Variants in SCARB2 observed in about 807,000 individuals in gnomAD.
SCARB2 encodes the protein lysosome membrane protein 2.
A neutral mutation model predicts 58.6 loss-of-function variants in SCARB2; 29 were observed. The ratio of observed to expected loss-of-function variants is 0.49; its 90% confidence interval spans 0.37 to 0.67. The LOEUF is 0.67. Among genes scored for constraint, SCARB2 ranks in the 30% least tolerant of loss-of-function variants. The pLI is 0.00. For missense variants in SCARB2, 488 were observed against 578.5 expected, an observed-to-expected ratio of 0.84 and a Z score of 1.60; for synonymous variants, 195 against 210.1, an observed-to-expected ratio of 0.93 and a Z score of 0.62.
intron 1 of SCARB2, among the ~76,000 whole-genome samples, chr4:76,209,343 G>A (rs545109038): frequency 7.9e-5 from 12 of 152,230 alleles, no homozygotes; most frequent in Admixed American, 5.2e-4. Flanking sequence ...GGTTATCAGT[G>A]ATTACATTTT....
At chr4:76,183,585 C>G (rs910024794) in intron 2 of SCARB2, among the ~76,000 whole-genome samples, 4 of 152,192 alleles carry the variant, frequency 2.6e-5, no homozygotes, top group Non-Finnish European at 5.9e-5. Context: ...CTCCAGGAAC[C>G]TCCCCATGTT....
intron 2 of SCARB2, 191 bp downstream of exon 2, chr4:76,195,516 C>T: frequency 1.7e-6 from 1 of 598,872 alleles, no homozygotes; most frequent in Non-Finnish European, 3.0e-6. Context: ...GAGACTTGGC[C>T]CAGTCTACAA....
At chr4:76,195,616 C>G in intron 2 of SCARB2, 91 bp downstream of exon 2, 2 of 1,125,208 alleles carry the variant, frequency 1.8e-6, no homozygotes, top group Admixed American at 1.7e-5. Flanking sequence ...CCACACAGCC[C>G]TGGAGCCTTG....
At chr4:76,215,139 T>C (rs561357050), upstream of SCARB2, among the ~76,000 whole-genome samples, 2 of 152,326 alleles carry the variant, frequency 1.3e-5, no homozygotes, top group South Asian at 4.1e-4. Context: ...TAGGGATAAA[T>C]ATCAGGGTAT....
chr4:76,190,940 C>T (rs915100799), intron 2 of SCARB2, among the ~76,000 whole-genome samples: 3 of 152,280 alleles, frequency 2.0e-5, no homozygotes, highest in East Asian at 1.9e-4. Flanking sequence ...AAAATGCACA[C>T]AGGATTTCAA....
intron 1 of SCARB2, among the ~76,000 whole-genome samples, chr4:76,207,057 T>A (rs1732944286): frequency 6.6e-6 from 1 of 152,172 alleles, no homozygotes; most frequent in Admixed American, 6.5e-5. Flanking sequence ...GAAAACTAGA[T>A]CAACAGTTCT....
chr4:76,183,882 A>G (rs1732436690), intron 2 of SCARB2, among the ~76,000 whole-genome samples: 1 of 152,202 alleles, frequency 6.6e-6, no homozygotes, highest in Non-Finnish European at 1.5e-5. Context: ...GGATCTTAGG[A>G]GCTGTATGCC....
chr4:76,181,069 C>A lies in SCARB2; in HGVS notation c.308G>T (p.Gly103Val). ...ELRNKANIQF[G>V]DNGTTISAVS... ...AGCAGATATTGTTGTTCCATTATCT[C>A]CAAATTGAATATTTGCTTTGTTTCT... is the stretch of plus-strand genomic sequence containing the variant. Residue 103 changes from glycine to valine, a missense_variant, in exon 3 of 12, where the codon GGA becomes GTA. By Grantham distance (109) the Gly-to-Val change is moderately radical. Coordinates refer to ENST00000264896, the MANE Select transcript of SCARB2 (RefSeq NM_005506.4). 2 of 1,613,638 alleles carry A rather than the reference C, an allele frequency of 1.2e-6. No homozygotes were observed. The highest frequency in any genetic ancestry group is 1.7e-6 in the Non-Finnish European group (2 of 1,179,814).
At chr4:76,173,282 A>G (rs1560707349) in intron 7 of SCARB2, 1 of 151,924 alleles carries the variant, frequency 6.6e-6, no homozygotes, top group African/African-American at 2.4e-5. Context: ...AATCTTTGCC[A>G]TGATACGTAC....
At chr4:76,187,874 ATATAT>A (rs1471828743) in intron 2 of SCARB2, among the ~76,000 whole-genome samples, 1 of 152,082 alleles carries the variant, frequency 6.6e-6, no homozygotes, top group Admixed American at 6.5e-5. Flanking sequence ...ATAATGCTGT[ATATAT>A]TATATATGTT....
intron 1 of SCARB2, among the ~76,000 whole-genome samples, chr4:76,221,835 T>C (rs1343237578): frequency 6.6e-6 from 1 of 152,188 alleles, no homozygotes; most frequent in Non-Finnish European, 1.5e-5. Flanking sequence ...ACAGGATCCT[T>C]CGCACACCAA....
intron 2 of SCARB2, among the ~76,000 whole-genome samples, chr4:76,186,309 C>T (rs930979281): frequency 1.3e-5 from 2 of 152,096 alleles, no homozygotes; most frequent in Non-Finnish European, 2.9e-5. Flanking sequence ...TGAAAGCATT[C>T]CCATGTGGGG....
At chr4:76,212,869 A>T (rs894787976) in intron 1 of SCARB2, among the ~76,000 whole-genome samples, 2 of 152,236 alleles carry the variant, frequency 1.3e-5, no homozygotes, top group Admixed American at 6.5e-5. Flanking sequence ...CAAGATACAA[A>T]GCCACTAAGT....
Position 76,213,677 on chromosome 4 carries a change from T to G in SCARB2, c.-134A>C. ...CGCCCACGCCCTCCCGGCGCACGGT[T>G]CGTGCGCGCAGCTCTGGGCTCCGCG... On this transcript the variant is annotated 5_prime_UTR_variant, in exon 1 of 12. Transcript: ENST00000264896. The G allele has an allele frequency of 1.4e-6, 1 of 694,486 alleles. No homozygotes were observed. Among genetic ancestry groups the G allele is most frequent in the Non-Finnish European group, 2.4e-6 (1 of 411,024 alleles). 43.0% of individuals were successfully genotyped at this position (694,486 alleles called of 1,614,324 possible). A position where few individuals can be genotyped will look rare whatever the true frequency, so the allele number is the denominator to read the frequency against.
chr4:76,202,787 C>T (rs1381966829), intron 1 of SCARB2, among the ~76,000 whole-genome samples: 1 of 151,974 alleles, frequency 6.6e-6, no homozygotes, highest in African/African-American at 2.4e-5. Flanking sequence ...CATTTTTTGA[C>T]TCATCTTTTA....
intron 1 of SCARB2, among the ~76,000 whole-genome samples, chr4:76,199,346 C>A (rs1732782107): frequency 6.6e-6 from 1 of 152,184 alleles, no homozygotes; most frequent in Non-Finnish European, 1.5e-5. Flanking sequence ...AGATAAACAA[C>A]AAATAATTTT....
chr4:76,189,386 TAC>T (rs1193582524), intron 2 of SCARB2, among the ~76,000 whole-genome samples: 1 of 152,188 alleles, frequency 6.6e-6, no homozygotes, highest in Non-Finnish European at 1.5e-5. Context: ...TCAGGAAACT[TAC>T]AGTCATGGCA....
chr4:76,176,109 G>A (rs1165800730), intron 5 of SCARB2, 199 bp from the exon 6 acceptor site: 2 of 664,748 alleles, frequency 3.0e-6, no homozygotes, highest in Non-Finnish European at 5.1e-6. Context: ...TAGAGGCAAT[G>A]GCCAAATAGC....
chr4:76,231,885 G>A (rs1733499659), intron 1 of SCARB2, among the ~76,000 whole-genome samples: 1 of 152,190 alleles, frequency 6.6e-6, no homozygotes, highest in African/African-American at 2.4e-5. Flanking sequence ...TCCCCACTGG[G>A]ATTTTATTGG....
Sources: allele counts gnomAD v4.1 joint callset (sites outside exome capture counted in the v4.1 genomes callset), GRCh38; gene constraint gnomAD v4.1.1; transcripts MANE v1.5; gene names NCBI Gene and HGNC (gene_info 2026-07-23, HGNC 2026-07-21).